The following SLC24A2 variants were observed in gnomAD, a reference collection of about 807,000 sequenced individuals.
The protein encoded by SLC24A2 is solute carrier family 24 member 2.
Under a neutral mutation model 62.0 loss-of-function variants are expected in SLC24A2, and 36 were observed. That is an observed-to-expected ratio of 0.58 (90% CI 0.44 to 0.77). The LOEUF (loss-of-function observed/expected upper bound fraction) is 0.77, where lower values mean the gene tolerates loss of function less well. SLC24A2 is among the 30% of genes least tolerant of loss of function. The pLI is 0.00. For missense variants in SLC24A2, 846 were observed against 817.9 expected, an observed-to-expected ratio of 1.03 and a Z score of -0.42; for synonymous variants, 358 against 294.0, an observed-to-expected ratio of 1.22 and a Z score of -2.23.
chr9:20,006,226 TTATC>T, the SLC24A2 span, among the ~76,000 whole-genome samples: 1 of 151,834 alleles, frequency 6.6e-6, no homozygotes, highest in Non-Finnish European at 1.5e-5. Context: ...TATTCTAAAT[TTATC>T]TACTTTCTAT....
the SLC24A2 span, among the ~76,000 whole-genome samples, chr9:20,142,952 C>A: frequency 6.6e-6 from 1 of 152,128 alleles, no homozygotes; most frequent in African/African-American, 2.4e-5. Context: ...GAGCCAGGGG[C>A]CATGCTCGCT....
At chr9:20,147,110 C>T in the SLC24A2 span, among the ~76,000 whole-genome samples, 1,047 of 152,252 alleles carry the variant, frequency 6.9e-3, 11 homozygotes, top group Non-Finnish European at 7.1e-3. Flanking sequence ...TTACTGTTTA[C>T]CTTGCTGTTA....
At chr9:19,959,110 G>C in the SLC24A2 span, among the ~76,000 whole-genome samples, 1 of 152,132 alleles carries the variant, frequency 6.6e-6, no homozygotes, top group African/African-American at 2.4e-5. Flanking sequence ...AATGTGTACA[G>C]GAACAAGATG....
At chr9:19,542,864 C>A (rs187637492) in intron 8 of SLC24A2, among the ~76,000 whole-genome samples, 1 of 152,126 alleles carries the variant, frequency 6.6e-6, no homozygotes, top group Non-Finnish European at 1.5e-5. Flanking sequence ...ATTTTCGCAT[C>A]GATGTTCATC....
intron 8 of SLC24A2, among the ~76,000 whole-genome samples, chr9:19,546,079 T>G (rs954870867): frequency 2.0e-5 from 3 of 152,196 alleles, no homozygotes; most frequent in African/African-American, 7.2e-5. Flanking sequence ...CTGGAACCTT[T>G]GTCTCATACG....
chr9:19,933,556 G>A, the SLC24A2 span, among the ~76,000 whole-genome samples: 1 of 151,970 alleles, frequency 6.6e-6, no homozygotes, highest in Non-Finnish European at 1.5e-5. Context: ...AACTGTACAG[G>A]TAAAAACAGA....
At chr9:20,117,824 T>C in the SLC24A2 span, among the ~76,000 whole-genome samples, 13 of 152,298 alleles carry the variant, frequency 8.5e-5, no homozygotes, top group East Asian at 2.5e-3. Context: ...AATTACCTCA[T>C]TTAATTCTCC....
At chr9:19,659,693 T>C (rs978935003) in intron 2 of SLC24A2, among the ~76,000 whole-genome samples, 2 of 152,176 alleles carry the variant, frequency 1.3e-5, no homozygotes, top group African/African-American at 4.8e-5. Context: ...ACTGATGACA[T>C]GCCTGATTTT....
At chr9:19,983,499 C>G in the SLC24A2 span, among the ~76,000 whole-genome samples, 1 of 151,998 alleles carries the variant, frequency 6.6e-6, no homozygotes, top group Admixed American at 6.6e-5. Context: ...AAAAATTACC[C>G]GGGCATGGTG....
chr9:19,903,356 T>C, the SLC24A2 span, among the ~76,000 whole-genome samples: 5 of 152,238 alleles, frequency 3.3e-5, no homozygotes, highest in Admixed American at 2.0e-4. Context: ...CTCTGGTCCC[T>C]TTTCCTCTTC....
At chr9:20,109,640 A>C in the SLC24A2 span, among the ~76,000 whole-genome samples, 3 of 152,182 alleles carry the variant, frequency 2.0e-5, no homozygotes, top group Non-Finnish European at 2.9e-5. Context: ...GAATACTGGG[A>C]AACTTTTGGA....
intron 7 of SLC24A2, among the ~76,000 whole-genome samples, chr9:19,556,042 T>A (rs911421739): frequency 6.6e-6 from 1 of 152,168 alleles, no homozygotes; most frequent in Non-Finnish European, 1.5e-5. Context: ...ATACCGAACA[T>A]TGAAATCTGG....
the SLC24A2 span, among the ~76,000 whole-genome samples, chr9:19,940,974 G>GCTGT: frequency 1.3e-5 from 2 of 152,218 alleles, no homozygotes; most frequent in Non-Finnish European, 2.9e-5. Context: ...GGCAGAAGAT[G>GCTGT]CTGTGTTCTG....
intron 6 of SLC24A2, among the ~76,000 whole-genome samples, chr9:19,573,808 C>T (rs1835927410): frequency 6.6e-6 from 1 of 152,148 alleles, no homozygotes; most frequent in East Asian, 1.9e-4. Context: ...ATATGCCTTT[C>T]TTGAGCCTAG....
intron 2 of SLC24A2, among the ~76,000 whole-genome samples, chr9:19,646,053 A>G (rs1818630149): frequency 6.6e-6 from 1 of 152,168 alleles, no homozygotes; most frequent in African/African-American, 2.4e-5. Flanking sequence ...GGAAGATTAA[A>G]TGGGACAATG....
the SLC24A2 span, among the ~76,000 whole-genome samples, chr9:19,877,994 G>A: frequency 1.3e-5 from 2 of 152,142 alleles, no homozygotes; most frequent in Non-Finnish European, 2.9e-5. Context: ...GGTAACACCA[G>A]AAAGGGAAGA....
At chr9:19,598,469 C>A (rs1008883057) in intron 4 of SLC24A2, among the ~76,000 whole-genome samples, 3 of 152,036 alleles carry the variant, frequency 2.0e-5, no homozygotes, top group Non-Finnish European at 2.9e-5. Context: ...AGATTTCTAT[C>A]TAAAATTGTT....
the SLC24A2 span, among the ~76,000 whole-genome samples, chr9:20,289,840 T>C: frequency 6.6e-6 from 1 of 152,220 alleles, no homozygotes. Flanking sequence ...AAATGGAAAC[T>C]GTGTACTGGG....
At chr9:19,921,781 CTT>C in the SLC24A2 span, among the ~76,000 whole-genome samples, 1 of 152,064 alleles carries the variant, frequency 6.6e-6, no homozygotes, top group African/African-American at 2.4e-5. Context: ...TACAAGGCCT[CTT>C]TTCACCTTGT....
Sources: gnomAD v4.1 joint callset for allele counts (sites outside exome capture counted in the v4.1 genomes callset) on GRCh38, gnomAD v4.1.1 for gene constraint, MANE v1.5 for transcripts, NCBI Gene and HGNC (gene_info 2026-07-23, HGNC 2026-07-21) for gene names.